CHST15: variants seen among roughly 807,000 people sequenced by gnomAD.
The protein encoded by CHST15 is carbohydrate sulfotransferase 15, also known as B cell RAG associated protein (GALNAC4S-6ST).
CHST15 carries 30 observed loss-of-function variants against 53.6 expected under a neutral mutation model. The ratio of observed to expected loss-of-function variants is 0.56; its 90% CI spans 0.42 to 0.76. CHST15 has a LOEUF of 0.76. Among genes scored for constraint, CHST15 ranks in the 30% least tolerant of loss-of-function variants. The probability of loss-of-function intolerance (pLI) is 0.00; values close to 1 mark genes in which losing one functional copy is unlikely to be tolerated. For synonymous variants in CHST15, 296 were observed against 289.8 expected, an observed-to-expected ratio of 1.02 and a Z score of -0.22; for missense variants, 627 against 740.5, an observed-to-expected ratio of 0.85 and a Z score of 1.78.
At chr10:124,026,809 G>A (rs1025867381) in intron 5 of CHST15, among the ~76,000 whole-genome samples, 13 of 152,170 alleles carry the variant, frequency 8.5e-5, no homozygotes, top group African/African-American at 2.7e-4. Flanking sequence ...GCCCAGTCCC[G>A]AACTCCTGAA....
intron 1 of CHST15, among the ~76,000 whole-genome samples, chr10:124,048,372 G>A (rs148079557): frequency 1.8e-3 from 271 of 152,292 alleles, no homozygotes; most frequent in African/African-American, 6.0e-3. Context: ...GAGAAAGGCT[G>A]GTCAGTAGAG....
chr10:124,047,263 T>G (rs913787079), intron 1 of CHST15, among the ~76,000 whole-genome samples: 2 of 152,188 alleles, frequency 1.3e-5, no homozygotes, highest in African/African-American at 4.8e-5. Context: ...ATTATCAGAT[T>G]AGGAAGCAAA....
At chr10:124,022,963 C>T (rs886282340) in intron 5 of CHST15, among the ~76,000 whole-genome samples, 1 of 151,872 alleles carries the variant, frequency 6.6e-6, no homozygotes, top group African/African-American at 2.4e-5. Context: ...ACTACAGGCG[C>T]CTGCCCACCA....
chr10:124,056,021 A>G (rs575127510), intron 1 of CHST15, among the ~76,000 whole-genome samples: 1 of 152,282 alleles, frequency 6.6e-6, no homozygotes, highest in East Asian at 1.9e-4. Flanking sequence ...CCTGCCTTTT[A>G]TAGAGGAGAA....
chr10:124,082,629 C>T (rs1368745799), intron 1 of CHST15, among the ~76,000 whole-genome samples: 1 of 152,200 alleles, frequency 6.6e-6, no homozygotes, highest in Non-Finnish European at 1.5e-5. Flanking sequence ...ACGTTTATGG[C>T]CGCCTCATTC....
intron 1 of CHST15, among the ~76,000 whole-genome samples, chr10:124,090,430 G>T (rs1590391484): frequency 3.3e-5 from 5 of 152,156 alleles, no homozygotes; most frequent in Admixed American, 3.3e-4. Flanking sequence ...AAATGGCTTG[G>T]ACTACCACAG....
chr10:124,012,258 T>C, intron 7 of CHST15, 75 bp downstream of exon 7: 1 of 1,534,954 alleles, frequency 6.5e-7, no homozygotes, highest in Non-Finnish European at 8.8e-7. Context: ...AGGTCTGCAT[T>C]TGCCCCAGAG....
intron 1 of CHST15, among the ~76,000 whole-genome samples, chr10:124,067,558 T>C (rs540020954): frequency 1.6e-3 from 251 of 152,358 alleles, no homozygotes; most frequent in African/African-American, 5.7e-3. Flanking sequence ...ATTAAGCTTA[T>C]AAGTGGAAGT....
intron 1 of CHST15, among the ~76,000 whole-genome samples, chr10:124,078,660 G>T (rs1429819618): frequency 6.6e-6 from 1 of 152,182 alleles, no homozygotes; most frequent in Non-Finnish European, 1.5e-5. Context: ...TTACGGAAAC[G>T]AATTTTAACT....
chr10:124,030,542 C>T (rs9422307), intron 5 of CHST15, among the ~76,000 whole-genome samples: 69,134 of 152,042 alleles, frequency 0.45, 16,464 homozygotes, highest in Non-Finnish European at 0.53. Flanking sequence ...CCTCTACATC[C>T]CCACGGCTTT....
chr10:124,044,836 G>A lies in CHST15; in HGVS notation c.630C>T (p.Thr210=), dbSNP rs1376361084. Residue 210 remains threonine (T), a synonymous_variant, in exon 3 of 8, where the codon ACC becomes ACT. Coordinates refer to ENST00000435907, the MANE Select transcript of CHST15 (RefSeq NM_001270764.2). The part of the protein sequence containing the change: ...WYEEFSGQNT[T]DPYLTNSYVL... ...CGTAGGAGTTGGTGAGGTAGGGGTC[G>A]GTGGTGTTCTGCCCCGAGAACTCCT... 1.3e-6 allele frequency: 2 copies of A among 1,550,662 alleles called. No individual in the cohort carries two copies. Among genetic ancestry groups the A allele is most frequent in the South Asian group, 1.2e-5 (1 of 83,472 alleles).
chr10:124,027,561 G>C (rs1347100932), intron 5 of CHST15, among the ~76,000 whole-genome samples: 1 of 152,168 alleles, frequency 6.6e-6, no homozygotes, highest in African/African-American at 2.4e-5. Flanking sequence ...CTCCCGCCAG[G>C]GCTCTGTGTG....
rs768701032 is a variant in CHST15 at position 124,016,926 on chromosome 10, C to T, written c.1347+4330G>A. On this transcript the variant is annotated intron_variant, in intron 6 of 7. Coordinates refer to ENST00000435907, the MANE Select transcript of CHST15 (RefSeq NM_001270764.2). ...CGATGGTGCCCATGAACTTATGGCT[C>T]AGTTTCAGCTGTGCTCTCCAGTTCA... 8.4e-4 allele frequency among the ~76,000 whole-genome samples: 128 copies of T among 152,270 alleles called. 1 individual carries two copies. The highest frequency in any genetic ancestry group is 7.2e-4 in the Non-Finnish European group (49 of 68,012).
At position 124,032,898 on chromosome 10, in the gene CHST15, T is replaced by C. The variant is rs527387874; in HGVS notation, c.1190+5617A>G. Among the ~76,000 whole-genome samples, 5 of 126,920 alleles carry C rather than the reference T, an allele frequency of 3.9e-5. No individual in the cohort carries two copies. The South Asian group carries it at 1.3e-3, about 34-fold the overall frequency. The allele number at this position is 126,920 out of a possible 152,430, so 83.3% of individuals were successfully genotyped here. The stretch of plus-strand genomic sequence containing the variant: ...GACTTTGCTTAAAATTCCAACATTT[T>C]CAAACCCTCTACTTTGGATCAATTA... On this transcript the variant is annotated intron_variant, in intron 5 of 7. Transcript: ENST00000435907.
intron 5 of CHST15, among the ~76,000 whole-genome samples, chr10:124,023,594 A>T (rs1241496239): frequency 6.6e-6 from 1 of 151,514 alleles, no homozygotes; most frequent in Admixed American, 6.6e-5. Context: ...GTCTGTTTTC[A>T]ACCTTCCTGC....
chr10:124,076,283 A>T (rs1443883437), intron 1 of CHST15, among the ~76,000 whole-genome samples: 3 of 152,248 alleles, frequency 2.0e-5, no homozygotes, highest in African/African-American at 7.2e-5. Flanking sequence ...CTGTCAAGTC[A>T]GTGAGTTTCA....
At chr10:124,087,838 G>C (rs918327562) in intron 1 of CHST15, among the ~76,000 whole-genome samples, 2 of 151,836 alleles carry the variant, frequency 1.3e-5, no homozygotes, top group Admixed American at 6.6e-5. Flanking sequence ...CTGGTTAATT[G>C]CATCAAATAT....
intron 3 of CHST15, 129 bp downstream of exon 3, chr10:124,044,451 C>T (rs1947879559): frequency 2.7e-6 from 2 of 742,842 alleles, no homozygotes; most frequent in Non-Finnish European, 2.0e-6. Flanking sequence ...CTGGGAACAG[C>T]CTCCTAACAA....
At chr10:124,038,999 C>G (rs1357362856) in intron 4 of CHST15, among the ~76,000 whole-genome samples, 1 of 152,160 alleles carries the variant, frequency 6.6e-6, no homozygotes, top group African/African-American at 2.4e-5. Flanking sequence ...CCCAGTTTCA[C>G]AGTATTTAAC....
Sources: gnomAD v4.1 joint callset for allele counts (sites outside exome capture counted in the v4.1 genomes callset) on GRCh38, gnomAD v4.1.1 for gene constraint, MANE v1.5 for transcripts, NCBI Gene and HGNC (gene_info 2026-07-23, HGNC 2026-07-21) for gene names.